EPM2A: variants seen among roughly 807,000 people sequenced by gnomAD.
The protein encoded by EPM2A is laforin.
EPM2A carries 21 observed loss-of-function variants against 26.5 expected under a neutral mutation model. The observed-to-expected ratio is 0.79, with a 90% CI of 0.56 to 1.14. The LOEUF (loss-of-function observed/expected upper bound fraction) is 1.14. EPM2A is among the 50% of genes most tolerant of loss of function. The pLI is 0.00. For missense variants in EPM2A, 458 were observed against 440.8 expected, an observed-to-expected ratio of 1.04 and a Z score of -0.35; for synonymous variants, 217 against 177.6, an observed-to-expected ratio of 1.22 and a Z score of -1.76.
intron 3 of EPM2A, among the ~76,000 whole-genome samples, chr6:145,632,539 T>C (rs4896829): frequency 6.6e-6 from 1 of 150,952 alleles, no homozygotes; most frequent in Non-Finnish European, 1.5e-5. Flanking sequence ...AAAGATTTTT[T>C]AAAAAAAGAA....
At chr6:145,502,976 GA>G (rs2114753245) in intron 2 of EPM2A, among the ~76,000 whole-genome samples, 1 of 152,226 alleles carries the variant, frequency 6.6e-6, no homozygotes, top group African/African-American at 2.4e-5. Context: ...CAAATGAAAG[GA>G]CAATTAATTT....
intron 2 of EPM2A, among the ~76,000 whole-genome samples, chr6:145,683,320 T>C (rs1275001387): frequency 6.7e-6 from 1 of 150,158 alleles, no homozygotes; most frequent in Admixed American, 6.7e-5. Flanking sequence ...TGTGTATATA[T>C]TAGATTATAT....
intron 2 of EPM2A, among the ~76,000 whole-genome samples, chr6:145,651,963 G>A (rs1208679188): frequency 6.6e-6 from 1 of 152,106 alleles, no homozygotes; most frequent in Non-Finnish European, 1.5e-5. Flanking sequence ...CAACTGGCAT[G>A]ATATTTGTTG....
intron 2 of EPM2A, among the ~76,000 whole-genome samples, chr6:145,513,917 G>A (rs79813447): frequency 0.02 from 3,016 of 152,228 alleles, 41 homozygotes; most frequent in Admixed American, 0.04. Flanking sequence ...TCTGTCTCCT[G>A]CTACTTGTCC....
At chr6:145,647,247 T>G (rs1413919108) in intron 2 of EPM2A, among the ~76,000 whole-genome samples, 3 of 152,186 alleles carry the variant, frequency 2.0e-5, no homozygotes, top group Non-Finnish European at 4.4e-5. Flanking sequence ...ACTAATCCCA[T>G]GTCCCCATAT....
At chr6:145,594,511 C>T (rs1193560570) in intron 2 of EPM2A, among the ~76,000 whole-genome samples, 3 of 151,580 alleles carry the variant, frequency 2.0e-5, no homozygotes, top group Admixed American at 6.6e-5. Context: ...AGAAAAATCA[C>T]AGGCCAATAT....
chr6:145,679,942 G>A (rs757102630), intron 2 of EPM2A: 2 of 152,044 alleles, frequency 1.3e-5, no homozygotes, highest in African/African-American at 2.4e-5. Context: ...ACTATATTGG[G>A]AAGAATGAAC....
intron 4 of EPM2A, among the ~76,000 whole-genome samples, chr6:145,475,270 G>A (rs919320769): frequency 2.0e-5 from 3 of 152,156 alleles, no homozygotes; most frequent in Non-Finnish European, 4.4e-5. Flanking sequence ...TATACACCAT[G>A]GAATACTATG....
At chr6:145,532,497 T>TG (rs1225556806) in intron 2 of EPM2A, among the ~76,000 whole-genome samples, 5 of 151,636 alleles carry the variant, frequency 3.3e-5, no homozygotes, top group Non-Finnish European at 7.4e-5. Flanking sequence ...TCTCTGGGGG[T>TG]GGGGGGAGGC....
chr6:145,412,567 G>A (rs1400788316), intron 4 of EPM2A, among the ~76,000 whole-genome samples: 2 of 151,986 alleles, frequency 1.3e-5, no homozygotes, highest in Non-Finnish European at 2.9e-5. Context: ...ACATTGTTCT[G>A]GCCAAAAATC....
At chr6:145,591,409 T>G (rs1230586522) in intron 2 of EPM2A, among the ~76,000 whole-genome samples, 1 of 152,118 alleles carries the variant, frequency 6.6e-6, no homozygotes, top group Non-Finnish European at 1.5e-5. Flanking sequence ...ACAGATCATC[T>G]TCAACTCTAG....
intron 2 of EPM2A, among the ~76,000 whole-genome samples, chr6:145,539,855 G>C (rs756792890): frequency 1.3e-5 from 2 of 152,176 alleles, no homozygotes; most frequent in Non-Finnish European, 2.9e-5. Flanking sequence ...CCTTTCAAAG[G>C]ACCAAACAAT....
chr6:145,646,419 G>T (rs1282282107), intron 2 of EPM2A, among the ~76,000 whole-genome samples: 1 of 150,918 alleles, frequency 6.6e-6, no homozygotes, highest in Non-Finnish European at 1.5e-5. Flanking sequence ...CTTGTGTTCT[G>T]CCCACCTCGG....
At chr6:145,675,658 TTAAAC>T (rs1779979166) in intron 2 of EPM2A, among the ~76,000 whole-genome samples, 2 of 152,228 alleles carry the variant, frequency 1.3e-5, no homozygotes, top group Middle Eastern at 3.4e-3. Context: ...AAAACAGACT[TTAAAC>T]TAACAAAGAT....
intron 1 of EPM2A, among the ~76,000 whole-genome samples, chr6:145,725,090 G>T (rs1365232354): frequency 1.3e-5 from 2 of 151,966 alleles, no homozygotes; most frequent in East Asian, 3.8e-4. Context: ...TCAAAGACTT[G>T]TATCCAAAAT....
intron 2 of EPM2A, among the ~76,000 whole-genome samples, chr6:145,536,259 GT>G (rs1562373805): frequency 6.9e-6 from 1 of 145,228 alleles, no homozygotes; most frequent in African/African-American, 2.6e-5. Context: ...TTTTGTTTTT[GT>G]TTTTGTTTTT....
Position 145,729,943 on chromosome 6 carries a change from C to T in EPM2A, c.301+5255G>A, listed in dbSNP as rs117785966. 4.1e-3 allele frequency among the ~76,000 whole-genome samples: 627 copies of T among 152,152 alleles called. 18 individuals are homozygous for T. In the East Asian group the frequency reaches 0.07, roughly 17 times the overall value. The stretch of plus-strand genomic sequence containing the variant: ...GTGATTAAATCATGGGGGTGGACTT[C>T]CCCCTTGCTATTCTCATGATGATAG... On this transcript the variant is annotated intron_variant, in intron 1 of 3. Transcript: ENST00000367519.
chr6:145,473,180 C>G (rs1272361564), intron 4 of EPM2A, among the ~76,000 whole-genome samples: 2 of 151,806 alleles, frequency 1.3e-5, no homozygotes, highest in Non-Finnish European at 1.5e-5. Flanking sequence ...ATTCAGAATT[C>G]TATCAGATAA....
chr6:145,626,536 AG>A lies in EPM2A; in HGVS notation c.*879del. 1.0e-6 allele frequency: 1 copy of A among 985,886 alleles called. No homozygotes were observed. Among genetic ancestry groups the A allele is most frequent in the Non-Finnish European group, 1.2e-6 (1 of 829,932 alleles). 61.1% of individuals were successfully genotyped at this position (985,886 alleles called of 1,614,324 possible). A position where few individuals can be genotyped will look rare whatever the true frequency, so the allele number is the denominator to read the frequency against. ...TATGTCTCGCTATAGAAACTCCTGC[AG>A]GCATATTGACTATACCCTGAGAAAG... is the stretch of plus-strand genomic sequence containing the variant. On this transcript the variant is annotated 3_prime_UTR_variant, in exon 4 of 4. Coordinates refer to ENST00000367519, the MANE Select transcript of EPM2A (RefSeq NM_005670.4).
Sources: gnomAD v4.1 joint callset for allele counts (sites outside exome capture counted in the v4.1 genomes callset) on GRCh38, gnomAD v4.1.1 for gene constraint, MANE v1.5 for transcripts, NCBI Gene and HGNC (gene_info 2026-07-23, HGNC 2026-07-21) for gene names.